Variants in TRHDE observed in about 807,000 individuals in gnomAD.
The protein encoded by TRHDE is thyrotropin releasing hormone degrading enzyme.
Under a neutral mutation model 125.7 loss-of-function variants are expected in TRHDE, and 72 were observed. The ratio of observed to expected loss-of-function variants is 0.57; its 90% CI spans 0.47 to 0.70. The LOEUF is 0.70. TRHDE is among the 30% of genes least tolerant of loss of function. The probability of loss-of-function intolerance (pLI) is 0.00; values close to 1 mark genes in which losing one functional copy is unlikely to be tolerated. For missense variants in TRHDE, 1,110 were observed against 1,327.1 expected (o/e 0.84, Z 2.54); for synonymous variants, 509 against 509.1 (o/e 1.00, Z 0.00).
rs1875016924 is a variant in TRHDE at position 72,663,922 on chromosome 12, A to G, written c.*727A>G. On this transcript the variant is annotated 3_prime_UTR_variant, in exon 19 of 19. Coordinates refer to ENST00000261180, the MANE Select transcript of TRHDE (RefSeq NM_013381.3). ...ATGTATATAGTATGTTGTACACTGC[A>G]CATGTACAAAGAATGTCTTCAGATC... 1 of 152,176 alleles carries G rather than the reference A, an allele frequency of 6.6e-6. No homozygotes were observed. Among genetic ancestry groups the G allele is most frequent in the African/African-American group, 2.4e-5 (1 of 41,468 alleles). 9.4% of individuals were successfully genotyped at this position (152,176 alleles called of 1,614,324 possible).
chr12:72,638,797 GA>G (rs1873891109), intron 15 of TRHDE, among the ~76,000 whole-genome samples: 1 of 152,028 alleles, frequency 6.6e-6, no homozygotes, highest in African/African-American at 2.4e-5. Flanking sequence ...ATTCTGGGTT[GA>G]AAATTCTTTT....
In TRHDE at chr12:72,140,987, AT is replaced by A. The variant is rs199577964; in HGVS notation, n.279+35245del. 3.8e-3 allele frequency among the ~76,000 whole-genome samples: 567 copies of A among 150,364 alleles called. 3 individuals carry two copies. The highest frequency in any genetic ancestry group is 5.1e-3 in the African/African-American group (211 of 41,074). ...ATAGTTCTGCTTTTTCAAAAGCTTT[AT>A]TTTTTTTTTCACCAAATAAGATTAT... On this transcript the variant is annotated intron_variant and non_coding_transcript_variant, in intron 2 of 4. Transcript: ENST00000548156.
At chr12:72,492,937 TTAA>T (rs1877747928) in intron 5 of TRHDE, among the ~76,000 whole-genome samples, 1 of 151,934 alleles carries the variant, frequency 6.6e-6, no homozygotes, top group Admixed American at 6.6e-5. Context: ...TTTTATACTA[TTAA>T]TAATACTGCA....
At chr12:72,336,945 G>A (rs1397501947) in intron 2 of TRHDE, among the ~76,000 whole-genome samples, 1 of 152,194 alleles carries the variant, frequency 6.6e-6, no homozygotes, top group East Asian at 1.9e-4. Flanking sequence ...TCTGCAGACT[G>A]CCAGCATTGA....
chr12:72,478,485 C>T (rs930309944), intron 5 of TRHDE, among the ~76,000 whole-genome samples: 1 of 150,856 alleles, frequency 6.6e-6, no homozygotes, highest in African/African-American at 2.5e-5. Context: ...AGCAAGCAAA[C>T]TTTTTTCCTT....
At position 72,295,065 on chromosome 12, in the gene TRHDE, T is replaced by G. The variant is rs191634890; in HGVS notation, c.1188+8111T>G. ...GGGCCCCCAAAAGTGCAGGGATGCT[T>G]GAGTCCGCAGCTGTGGTTTGGGTGA... On this transcript the variant is annotated intron_variant, in intron 2 of 18. Transcript: ENST00000261180. Among the ~76,000 whole-genome samples the G allele has an allele frequency of 2.6e-3, 388 of 149,046 alleles. 2 individuals are homozygous for G. The highest frequency in any genetic ancestry group is 9.0e-3 in the African/African-American group (365 of 40,460).
In TRHDE at chr12:72,667,443, A is replaced by ATACT. The variant is rs1565828916; in HGVS notation, c.*4251_*4254dup. 6.6e-6 allele frequency: 1 copy of ATACT among 151,758 alleles called. No individual in the cohort carries two copies. The highest frequency in any genetic ancestry group is 2.4e-5 in the African/African-American group (1 of 41,416). The allele number at this position is 151,758 out of a possible 1,614,324, so 9.4% of individuals were successfully genotyped here. A position where few individuals can be genotyped will look rare whatever the true frequency, so the allele number is the denominator to read the frequency against. On this transcript the variant is annotated 3_prime_UTR_variant, in exon 19 of 19. Coordinates refer to ENST00000261180, the MANE Select transcript of TRHDE (RefSeq NM_013381.3). ...TATTGTATAGATACAATATATAACT[A>ATACT]TACTTAAAGAAATATTTATTGAGCA...
At chr12:72,197,492 T>A (rs1037645124) in intron 2 of TRHDE, among the ~76,000 whole-genome samples, 3 of 152,174 alleles carry the variant, frequency 2.0e-5, no homozygotes, top group African/African-American at 7.2e-5. Flanking sequence ...TAGCTGATGA[T>A]AATTAAGTTT....
chr12:72,396,906 A>T (rs1247649491), intron 3 of TRHDE, among the ~76,000 whole-genome samples: 1 of 151,562 alleles, frequency 6.6e-6, no homozygotes, highest in Non-Finnish European at 1.5e-5. Context: ...CCAAGAATGG[A>T]CTCCTTGGTC....
chr12:72,266,449 C>T (rs779874685), intron 2 of TRHDE, among the ~76,000 whole-genome samples: 40 of 151,860 alleles, frequency 2.6e-4, no homozygotes, highest in Non-Finnish European at 4.6e-4. Flanking sequence ...ACTTAGTTCT[C>T]AGTCCAGGAA....
chr12:72,331,776 A>G (rs990574038), intron 2 of TRHDE, among the ~76,000 whole-genome samples: 5 of 152,228 alleles, frequency 3.3e-5, no homozygotes, highest in Non-Finnish European at 7.3e-5. Flanking sequence ...GAAGATAGGC[A>G]TGTTGAATTA....
At chr12:72,596,197 T>C (rs1871931916) in intron 12 of TRHDE, among the ~76,000 whole-genome samples, 1 of 152,152 alleles carries the variant, frequency 6.6e-6, no homozygotes, top group Non-Finnish European at 1.5e-5. Context: ...TTTAGATATA[T>C]CAGTTGCATA....
chr12:72,636,972 G>T (rs1460171995), intron 15 of TRHDE, among the ~76,000 whole-genome samples: 2 of 151,896 alleles, frequency 1.3e-5, no homozygotes, highest in Non-Finnish European at 2.9e-5. Flanking sequence ...TCTCTTTTTT[G>T]GTTGTGTCTC....
At chr12:72,320,341 T>C (rs1947652807) in intron 2 of TRHDE, among the ~76,000 whole-genome samples, 1 of 152,184 alleles carries the variant, frequency 6.6e-6, no homozygotes, top group African/African-American at 2.4e-5. Flanking sequence ...GTATTTTAAG[T>C]TATCTCTAGA....
At chr12:72,379,182 C>T (rs1044470743) in intron 3 of TRHDE, among the ~76,000 whole-genome samples, 10 of 152,298 alleles carry the variant, frequency 6.6e-5, no homozygotes, top group African/African-American at 2.4e-4. Context: ...TGCTGTGTAG[C>T]TTTATTGGTC....
chr12:72,410,919 C>G (rs112722376), intron 3 of TRHDE, among the ~76,000 whole-genome samples: 1,698 of 151,794 alleles, frequency 0.011, 46 homozygotes, highest in African/African-American at 0.038. Context: ...CAGGCCGGGC[C>G]CGGTGGCTCA....
At chr12:72,104,561 A>C (rs1875139543) in intron 1 of TRHDE, among the ~76,000 whole-genome samples, 1 of 152,182 alleles carries the variant, frequency 6.6e-6, no homozygotes, top group Non-Finnish European at 1.5e-5. Flanking sequence ...TTCAAGTGCT[A>C]TTTTGCTAAT....
chr12:72,631,719 A>T (rs956168479), intron 15 of TRHDE, among the ~76,000 whole-genome samples: 1 of 151,942 alleles, frequency 6.6e-6, no homozygotes, highest in African/African-American at 2.4e-5. Flanking sequence ...AAACACGCAC[A>T]CAAGTAGCAA....
At chr12:72,605,756 G>A (rs558175095) in intron 12 of TRHDE, among the ~76,000 whole-genome samples, 1 of 152,138 alleles carries the variant, frequency 6.6e-6, no homozygotes, top group South Asian at 2.1e-4. Context: ...GATGAGAGAA[G>A]GTGAAAATGC....
Sources: allele counts gnomAD v4.1 joint callset (sites outside exome capture counted in the v4.1 genomes callset), GRCh38; gene constraint gnomAD v4.1.1; transcripts MANE v1.5; gene names NCBI Gene and HGNC (gene_info 2026-07-23, HGNC 2026-07-21).